The following PRORP variants were observed in gnomAD, a reference collection of about 807,000 sequenced individuals.
PRORP encodes the protein protein only RNase P catalytic subunit, also known as mitochondrial ribonuclease P catalytic subunit.
A neutral mutation model predicts 59.4 loss-of-function variants in PRORP; 51 were observed. The observed-to-expected ratio is 0.86, with a 90% CI of 0.69 to 1.08. The LOEUF (loss-of-function observed/expected upper bound fraction) is 1.08, where lower values mean the gene tolerates loss of function less well. PRORP is among the 50% of genes least tolerant of loss of function. PRORP has a pLI of 0.00. For missense variants in PRORP, 646 were observed against 690.3 expected, an observed-to-expected ratio of 0.94 and a Z score of 0.72; for synonymous variants, 231 against 245.6, an observed-to-expected ratio of 0.94 and a Z score of 0.55.
intron 5 of PRORP, among the ~76,000 whole-genome samples, chr14:35,239,115 A>G (rs2050293149): frequency 6.6e-6 from 1 of 152,100 alleles, no homozygotes; most frequent in African/African-American, 2.4e-5. Flanking sequence ...CTAGCACTTT[A>G]GGAGGCGAGG....
At chr14:35,180,891 C>G (rs1414092850) in intron 5 of PRORP, 114 bp downstream of exon 5, 1 of 670,982 alleles carries the variant, frequency 1.5e-6, no homozygotes, top group Admixed American at 2.8e-5. Flanking sequence ...AAACTAAGGT[C>G]TTCAGGGTGC....
upstream of PRORP, chr14:35,122,293 C>G (rs907756718): frequency 3.1e-5 from 10 of 321,906 alleles, no homozygotes; most frequent in African/African-American, 2.1e-4. Flanking sequence ...GTGCGCACCA[C>G]GTGACCCAGG....
rs945649610 is a variant in PRORP at position 35,124,056 on chromosome 14, C to T, written c.811C>T (p.Leu271=). 6.2e-7 allele frequency: 1 copy of T among 1,613,558 alleles called. No individual in the cohort carries two copies. The highest frequency in any genetic ancestry group is 8.5e-7 in the Non-Finnish European group (1 of 1,179,752). ...NTAWNLYQEL[L]GHDIVPMLET... ...AGCTTGGAATTTATATCAGGAATTGCTAGGTCATGATATTGTTCCTATGTT... is the reference window on the plus strand; with the variant it reads ...AGCTTGGAATTTATATCAGGAATTGTTAGGTCATGATATTGTTCCTATGTT... Residue 271 remains leucine (L), a synonymous_variant, in exon 2 of 8, where the codon CTA becomes TTA. Transcript: ENST00000534898.
At chr14:35,262,784 G>T (rs770643905) in intron 5 of PRORP, 199 of 1,241,596 alleles carry the variant, frequency 1.6e-4, no homozygotes, top group Non-Finnish European at 2.2e-4. Context: ...AGGAGAATGG[G>T]TCTCTTGTTG....
At position 35,246,239 on chromosome 14, in the gene PRORP, T is replaced by C. The variant is rs183871369; in HGVS notation, c.1276-20488T>C. Among the ~76,000 whole-genome samples, 20 of 152,336 alleles carry C rather than the reference T, an allele frequency of 1.3e-4. No individual in the cohort carries two copies. In the East Asian group the frequency reaches 3.9e-3, roughly 29 times the overall value. ...GACTATTTCATTCTAGAAACTGATATCTTCTTATTTGGGGAGATGTTCGTT... is the reference window on the plus strand; with the variant it reads ...GACTATTTCATTCTAGAAACTGATACCTTCTTATTTGGGGAGATGTTCGTT... On this transcript the variant is annotated intron_variant, in intron 5 of 7. Transcript: ENST00000534898.
intron 5 of PRORP, among the ~76,000 whole-genome samples, chr14:35,261,696 T>A (rs2050908238): frequency 6.6e-6 from 1 of 151,812 alleles, no homozygotes; most frequent in Non-Finnish European, 1.5e-5. Flanking sequence ...GCCATTGCAC[T>A]CCAGCCTGGG....
intron 5 of PRORP, among the ~76,000 whole-genome samples, chr14:35,251,256 T>G (rs1331258860): frequency 6.6e-6 from 1 of 152,198 alleles, no homozygotes; most frequent in Non-Finnish European, 1.5e-5. Flanking sequence ...CACAGTTCTT[T>G]TATCCACTTG....
chr14:35,126,698 A>T, intron 2 of PRORP, 37 bp from the exon 3 acceptor site: 1 of 1,526,936 alleles, frequency 6.5e-7, no homozygotes, highest in Non-Finnish European at 9.0e-7. Context: ...GTAGGAATCT[A>T]ACCTTCTCAT....
intron 5 of PRORP, among the ~76,000 whole-genome samples, chr14:35,210,920 C>T (rs2049426872): frequency 6.6e-6 from 1 of 151,722 alleles, no homozygotes; most frequent in Admixed American, 6.6e-5. Context: ...CATGCTACCA[C>T]ACCTGGCTAG....
chr14:35,145,198 C>T lies in PRORP; in HGVS notation c.1167+17587C>T, dbSNP rs575907159. Among the ~76,000 whole-genome samples, 11 of 144,342 alleles carry T rather than the reference C, an allele frequency of 7.6e-5. 1 individual carries two copies. The South Asian group carries it at 1.6e-3, about 21-fold the overall frequency. 94.7% of individuals were successfully genotyped at this position (144,342 alleles called of 152,430 possible). ...TTGTTGCCTGGGCTTGTCGTGAACT[C>T]CTGGGCTCAAGTAATCCTCCAACCT... On this transcript the variant is annotated intron_variant, in intron 4 of 7. Transcript: ENST00000534898.
chr14:35,124,301 T>C, intron 2 of PRORP, 70 bp downstream of exon 2: 1 of 1,071,114 alleles, frequency 9.3e-7, no homozygotes, highest in Non-Finnish European at 1.3e-6. Context: ...AGGGTCTTGC[T>C]CTGTTGCCCA....
intron 4 of PRORP, among the ~76,000 whole-genome samples, chr14:35,177,776 C>T (rs1218529426): frequency 2.0e-5 from 3 of 151,948 alleles, no homozygotes; most frequent in Admixed American, 6.6e-5. Flanking sequence ...TTATTTCTTG[C>T]CTTCTGCTAG....
chr14:35,149,077 C>A (rs1458193248), intron 4 of PRORP, among the ~76,000 whole-genome samples: 2 of 149,674 alleles, frequency 1.3e-5, no homozygotes, highest in Non-Finnish European at 3.0e-5. Context: ...CGCCACCACG[C>A]CCGGCTAATT....
At chr14:35,256,531 C>T (rs2050766082) in intron 5 of PRORP, among the ~76,000 whole-genome samples, 1 of 151,606 alleles carries the variant, frequency 6.6e-6, no homozygotes, top group South Asian at 2.1e-4. Flanking sequence ...GGGGCTTCAC[C>T]ATGTTGGTCA....
intron 4 of PRORP, among the ~76,000 whole-genome samples, chr14:35,175,879 A>C (rs1359177796): frequency 2.6e-5 from 4 of 152,204 alleles, no homozygotes; most frequent in Non-Finnish European, 5.9e-5. Context: ...TTTAGGTCTA[A>C]CATTTAAGTC....
rs575327652 is a variant in PRORP, at chr14:35,264,152, G to T, written c.1276-2575G>T. ...TCATTCATTCATTTTTTTTGAGATG[G>T]AATCTTGCTCTGTCACCCAGGCTGG... On this transcript the variant is annotated intron_variant, in intron 5 of 7. Coordinates refer to ENST00000534898, the MANE Select transcript of PRORP (RefSeq NM_014672.4). 2.6e-5 allele frequency among the ~76,000 whole-genome samples: 4 copies of T among 151,448 alleles called. No individual in the cohort carries two copies. In the South Asian group the frequency reaches 8.4e-4, roughly 32 times the overall value.
At chr14:35,242,353 T>C (rs2050387870) in intron 5 of PRORP, among the ~76,000 whole-genome samples, 2 of 152,196 alleles carry the variant, frequency 1.3e-5, no homozygotes. Context: ...GGAAGATCTC[T>C]AGGGATCCTC....
intron 4 of PRORP, among the ~76,000 whole-genome samples, chr14:35,165,539 T>G (rs2048162448): frequency 6.6e-6 from 1 of 152,242 alleles, no homozygotes; most frequent in Admixed American, 6.5e-5. Context: ...GAAAGCACTA[T>G]GTAAGTTTAT....
intron 5 of PRORP, among the ~76,000 whole-genome samples, chr14:35,231,117 G>C (rs752800455): frequency 1.3e-5 from 2 of 152,148 alleles, no homozygotes; most frequent in African/African-American, 4.8e-5. Context: ...GTTTCTTTTG[G>C]AGTTTGAGCC....
Sources: allele counts gnomAD v4.1 joint callset (sites outside exome capture counted in the v4.1 genomes callset), GRCh38; gene constraint gnomAD v4.1.1; transcripts MANE v1.5; gene names NCBI Gene and HGNC (gene_info 2026-07-23, HGNC 2026-07-21).